SHISA9: variants seen among roughly 807,000 people sequenced by gnomAD.
SHISA9 encodes the protein protein shisa-9.
A neutral mutation model predicts 38.0 loss-of-function variants in SHISA9; 13 were observed. That is an observed-to-expected ratio of 0.34 (90% CI 0.22 to 0.54). The LOEUF is 0.54. Among genes scored for constraint, SHISA9 ranks in the 20% least tolerant of loss-of-function variants. The probability of loss-of-function intolerance (pLI) is 0.91; values close to 1 mark genes in which losing one functional copy is unlikely to be tolerated. For synonymous variants in SHISA9, 275 were observed against 242.0 expected (o/e 1.14, Z -1.27); for missense variants, 538 against 575.8 (o/e 0.93, Z 0.67).
intron 2 of SHISA9, among the ~76,000 whole-genome samples, chr16:13,007,299 C>T (rs1324743374): frequency 6.6e-6 from 1 of 152,156 alleles, no homozygotes. Context: ...TCCAGTTTCC[C>T]AAACCAGAGA....
chr16:13,094,396 C>A (rs73520645), intron 2 of SHISA9, among the ~76,000 whole-genome samples: 3,277 of 152,038 alleles, frequency 0.022, 130 homozygotes, highest in African/African-American at 0.075. Flanking sequence ...TTAAATGTTG[C>A]GGAAATTACC....
the SHISA9 span, among the ~76,000 whole-genome samples, chr16:13,273,142 T>C: frequency 1.3e-5 from 2 of 152,252 alleles, no homozygotes; most frequent in South Asian, 2.1e-4. Flanking sequence ...ACAAAGTTTA[T>C]TGAAGTATTA....
intron 2 of SHISA9, among the ~76,000 whole-genome samples, chr16:13,068,854 G>A (rs1192141378): frequency 2.0e-5 from 3 of 149,480 alleles, no homozygotes; most frequent in African/African-American, 7.7e-5. Context: ...GTATATATAT[G>A]CATACATGCA....
intron 2 of SHISA9, among the ~76,000 whole-genome samples, chr16:13,012,304 G>A (rs1313237215): frequency 6.6e-6 from 1 of 152,154 alleles, no homozygotes; most frequent in African/African-American, 2.4e-5. Flanking sequence ...GTGTTCAAGT[G>A]GCCCTCTCTG....
the SHISA9 span, among the ~76,000 whole-genome samples, chr16:13,556,587 C>T: frequency 2.6e-5 from 4 of 151,840 alleles, no homozygotes; most frequent in Admixed American, 6.6e-5. Context: ...GGCGTGAACC[C>T]GGGAGGCAGA....
At chr16:13,414,016 A>C in the SHISA9 span, among the ~76,000 whole-genome samples, 5 of 152,098 alleles carry the variant, frequency 3.3e-5, no homozygotes, top group Non-Finnish European at 1.5e-5. Flanking sequence ...TAACCAGATT[A>C]ATTTTTTCCC....
intron 2 of SHISA9, among the ~76,000 whole-genome samples, chr16:13,067,786 C>T (rs780412836): frequency 2.0e-5 from 3 of 152,238 alleles, no homozygotes; most frequent in African/African-American, 4.8e-5. Context: ...AGCCTCACTC[C>T]AACCCAGCTT....
chr16:13,309,509 G>A, the SHISA9 span, among the ~76,000 whole-genome samples: 1 of 151,806 alleles, frequency 6.6e-6, no homozygotes, highest in Non-Finnish European at 1.5e-5. Context: ...TAGGTGTGGT[G>A]GCACACACCT....
intron 2 of SHISA9, among the ~76,000 whole-genome samples, chr16:13,137,429 A>G (rs1329380887): frequency 6.6e-6 from 1 of 152,094 alleles, no homozygotes; most frequent in Non-Finnish European, 1.5e-5. Context: ...GAGGCTCGTT[A>G]GAGAGCCCAT....
At chr16:13,216,368 G>T (rs2051169389) in intron 4 of SHISA9, among the ~76,000 whole-genome samples, 1 of 152,122 alleles carries the variant, frequency 6.6e-6, no homozygotes, top group African/African-American at 2.4e-5. Flanking sequence ...AGGTCGTTGT[G>T]AGATAAGGTG....
At chr16:13,554,650 C>G in the SHISA9 span, among the ~76,000 whole-genome samples, 2 of 152,042 alleles carry the variant, frequency 1.3e-5, no homozygotes, top group Admixed American at 6.5e-5. Flanking sequence ...TGCCACCACA[C>G]CTAGCTAATT....
At chr16:13,483,782 C>G in the SHISA9 span, among the ~76,000 whole-genome samples, 1 of 152,136 alleles carries the variant, frequency 6.6e-6, no homozygotes, top group Non-Finnish European at 1.5e-5. Flanking sequence ...GATAACTGAA[C>G]ATGTAGAGGT....
chr16:13,119,953 C>T (rs926104289), intron 2 of SHISA9, among the ~76,000 whole-genome samples: 10 of 151,480 alleles, frequency 6.6e-5, no homozygotes, highest in Non-Finnish European at 1.3e-4. Flanking sequence ...TGGATGATCT[C>T]GGAAAGATGG....
chr16:13,252,994 C>G, the SHISA9 span, among the ~76,000 whole-genome samples: 1 of 152,182 alleles, frequency 6.6e-6, no homozygotes, highest in Admixed American at 6.5e-5. Flanking sequence ...TTAGCCTCCT[C>G]AAAATGAAGA....
the SHISA9 span, among the ~76,000 whole-genome samples, chr16:13,498,311 T>C: frequency 6.6e-6 from 1 of 152,290 alleles, no homozygotes; most frequent in Non-Finnish European, 1.5e-5. Context: ...TTGTTACCCC[T>C]CAATGCTAGT....
chr16:13,290,288 C>G, the SHISA9 span, among the ~76,000 whole-genome samples: 1 of 151,948 alleles, frequency 6.6e-6, no homozygotes, highest in Non-Finnish European at 1.5e-5. Flanking sequence ...CCCTTAAGTA[C>G]TATGTTGGTT....
rs769153700 is a variant in SHISA9 at position 13,006,965 on chromosome 16, C to T, written c.691+90150C>T. ...GGTATCTTCAGCTCTCTTTCTGTCA[C>T]CCTCGACACCTTCTGCATACCTGCT... On this transcript the variant is annotated intron_variant, in intron 2 of 4. Coordinates refer to ENST00000558583, the MANE Select transcript of SHISA9 (RefSeq NM_001145204.3). 4.9e-4 allele frequency among the ~76,000 whole-genome samples: 75 copies of T among 152,284 alleles called. 1 individual carries two copies. Among genetic ancestry groups the T allele is most frequent in the South Asian group, 2.1e-3 (10 of 4,816 alleles).
intron 2 of SHISA9, among the ~76,000 whole-genome samples, chr16:13,115,524 G>A (rs1005587449): frequency 1.3e-5 from 2 of 152,174 alleles, no homozygotes; most frequent in African/African-American, 4.8e-5. Context: ...TCTGCCCTGG[G>A]CGGGCCAGGT....
intron 2 of SHISA9, among the ~76,000 whole-genome samples, chr16:12,944,065 G>T (rs960225937): frequency 1.3e-5 from 2 of 152,158 alleles, no homozygotes; most frequent in African/African-American, 4.8e-5. Context: ...GATGCCAATA[G>T]TCCTCGCTTC....
Sources: allele counts gnomAD v4.1 joint callset (sites outside exome capture counted in the v4.1 genomes callset), GRCh38; gene constraint gnomAD v4.1.1; transcripts MANE v1.5; gene names NCBI Gene and HGNC (gene_info 2026-07-23, HGNC 2026-07-21).